The following OSBP2 variants were observed in gnomAD, a reference collection of about 807,000 sequenced individuals.
OSBP2 encodes oxysterol-binding protein 2.
OSBP2 carries 66 observed loss-of-function variants against 96.0 expected under a neutral mutation model. That is an observed-to-expected ratio of 0.69 (90% CI 0.56 to 0.84). OSBP2 has a LOEUF of 0.84. OSBP2 is among the 40% of genes least tolerant of loss of function. OSBP2 has a pLI of 0.00. For missense variants in OSBP2, 1,038 were observed against 1,222.7 expected, an observed-to-expected ratio of 0.85 and a Z score of 2.25; for synonymous variants, 525 against 520.9, an observed-to-expected ratio of 1.01 and a Z score of -0.11.
At chr22:30,804,398 C>T (rs142297507) in intron 2 of OSBP2, among the ~76,000 whole-genome samples, 6 of 152,268 alleles carry the variant, frequency 3.9e-5, no homozygotes, top group South Asian at 4.2e-4. Flanking sequence ...TTAAGCTGTG[C>T]GCATCAGAAA....
chr22:30,800,603 C>T (rs1434656772), intron 2 of OSBP2, among the ~76,000 whole-genome samples: 2 of 152,020 alleles, frequency 1.3e-5, no homozygotes, highest in Admixed American at 1.3e-4. Context: ...AGTCACAGTC[C>T]GCCTGCCAGA....
At chr22:30,760,980 G>A (rs1378284862) in intron 2 of OSBP2, among the ~76,000 whole-genome samples, 2 of 152,136 alleles carry the variant, frequency 1.3e-5, no homozygotes, top group Non-Finnish European at 2.9e-5. Flanking sequence ...TCCTCCACCT[G>A]ATTAAGGGCA....
At chr22:30,818,814 GAAAGTGGTAACCAT>G (rs1350518407) in intron 2 of OSBP2, among the ~76,000 whole-genome samples, 1 of 152,204 alleles carries the variant, frequency 6.6e-6, no homozygotes, top group Non-Finnish European at 1.5e-5. Flanking sequence ...GCGTGACAAG[GAAAGTGGTAACCAT>G]AGACATGGGA....
chr22:30,867,485 C>T (rs1054673549), intron 2 of OSBP2, among the ~76,000 whole-genome samples: 2 of 152,192 alleles, frequency 1.3e-5, no homozygotes, highest in Non-Finnish European at 2.9e-5. Context: ...TTCACTCATT[C>T]CCTCTCTCTC....
At position 30,823,803 on chromosome 22, in the gene OSBP2, G is replaced by A. The variant is rs118168927; in HGVS notation, c.854-46626G>A. 6.8e-3 allele frequency among the ~76,000 whole-genome samples: 1,034 copies of A among 152,284 alleles called. 5 individuals carry two copies. The highest frequency in any genetic ancestry group is 0.012 in the Non-Finnish European group (793 of 68,016). On this transcript the variant is annotated intron_variant, in intron 2 of 13. Transcript: ENST00000332585. The stretch of plus-strand genomic sequence containing the variant: ...TTAAGGAAACTTGCAAGTAAATTTC[G>A]TCCAAAGTGTGTGTTCTGGTTTTAG...
At chr22:30,791,031 T>C (rs1283935871) in intron 2 of OSBP2, among the ~76,000 whole-genome samples, 2 of 152,182 alleles carry the variant, frequency 1.3e-5, no homozygotes, top group African/African-American at 4.8e-5. Flanking sequence ...TCACCCAGGC[T>C]GGAGTGCAGT....
chr22:30,783,065 C>CTTTTTTTT (rs567123014), intron 2 of OSBP2, among the ~76,000 whole-genome samples: 5 of 104,132 alleles, frequency 4.8e-5, no homozygotes, highest in Admixed American at 1.1e-4. Context: ...GAACCTGTGG[C>CTTTTTTTT]TTTTTTTTTT....
intron 4 of OSBP2, 80 bp downstream of exon 4, chr22:30,887,698 T>C: frequency 8.2e-7 from 1 of 1,223,706 alleles, no homozygotes; most frequent in Non-Finnish European, 1.1e-6. Context: ...CGCCCCCACA[T>C]GCACATCCCT....
At chr22:30,729,723 C>G (rs2089714595) in intron 1 of OSBP2, among the ~76,000 whole-genome samples, 1 of 151,802 alleles carries the variant, frequency 6.6e-6, no homozygotes, top group Non-Finnish European at 1.5e-5. Context: ...GGTAGGAAAT[C>G]AGCTGGTCAT....
At chr22:30,735,145 T>C (rs900721845) in intron 1 of OSBP2, among the ~76,000 whole-genome samples, 1 of 152,154 alleles carries the variant, frequency 6.6e-6, no homozygotes, top group Non-Finnish European at 1.5e-5. Flanking sequence ...TGAGCTATGA[T>C]TGCACCATTG....
At chr22:30,832,231 G>T (rs2038536948) in intron 2 of OSBP2, among the ~76,000 whole-genome samples, 1 of 151,812 alleles carries the variant, frequency 6.6e-6, no homozygotes, top group Admixed American at 6.6e-5. Context: ...ATCCAGAATT[G>T]ATTTCTGTAT....
chr22:30,886,855 T>TC (rs1462647009), intron 3 of OSBP2, among the ~76,000 whole-genome samples: 3 of 152,130 alleles, frequency 2.0e-5, no homozygotes, highest in African/African-American at 7.2e-5. Flanking sequence ...GGGGTCCTGA[T>TC]CCAGACCCCA....
intron 2 of OSBP2, among the ~76,000 whole-genome samples, chr22:30,802,599 C>T (rs2145843176): frequency 6.6e-6 from 1 of 152,372 alleles, no homozygotes; most frequent in African/African-American, 2.4e-5. Flanking sequence ...CTGAGGTGCG[C>T]CTTCCGCTGC....
In OSBP2 at chr22:30,704,710, A is replaced by G. The variant is rs560999787; in HGVS notation, c.644+9157A>G. 8.5e-5 allele frequency among the ~76,000 whole-genome samples: 13 copies of G among 152,174 alleles called. No homozygotes were observed. In the East Asian group the frequency reaches 1.9e-3, roughly 23 times the overall value. On this transcript the variant is annotated intron_variant, in intron 1 of 13. Coordinates refer to ENST00000332585, the MANE Select transcript of OSBP2 (RefSeq NM_030758.4). Reference sequence around the variant, plus strand: ...CGAACTCCTGACCTCAGGTGATCTCAGCCTCCCAAAGTGCTGGTATTACAG... The same window carrying G: ...CGAACTCCTGACCTCAGGTGATCTCGGCCTCCCAAAGTGCTGGTATTACAG...
Position 30,743,048 on chromosome 22 carries a change from G to A in OSBP2, c.853+1679G>A, listed in dbSNP as rs527964229. On this transcript the variant is annotated intron_variant, in intron 2 of 13. Transcript: ENST00000332585. The stretch of plus-strand genomic sequence containing the variant: ...GAAAAATGTGTCTACACATGCAACA[G>A]TGATCCTTCTGAAGTCATTAGTGGA... 2.7e-4 allele frequency among the ~76,000 whole-genome samples: 41 copies of A among 152,322 alleles called. 1 individual carries two copies. The South Asian group carries it at 8.3e-3, about 31-fold the overall frequency.
rs140205086 is a variant in OSBP2 at position 30,749,860 on chromosome 22, A to C, written c.853+8491A>C. ...TGGCCTCAAGTGATCTGCCCACCTCAGCCTCCCAAAGTGGGAGGATTACAG... is the reference window on the plus strand; with the variant it reads ...TGGCCTCAAGTGATCTGCCCACCTCCGCCTCCCAAAGTGGGAGGATTACAG... On this transcript the variant is annotated intron_variant, in intron 2 of 13. Transcript: ENST00000332585. Among the ~76,000 whole-genome samples the C allele has an allele frequency of 2.0e-4, 31 of 152,186 alleles. 1 individual carries two copies. The East Asian group carries it at 5.8e-3, about 29-fold the overall frequency.
chr22:30,702,778 G>A (rs2089185080), intron 1 of OSBP2, among the ~76,000 whole-genome samples: 1 of 152,200 alleles, frequency 6.6e-6, no homozygotes, highest in Non-Finnish European at 1.5e-5. Flanking sequence ...GTATGTCTGA[G>A]CTTCTCTGCA....
chr22:30,698,195 C>G lies in OSBP2; in HGVS notation c.644+2642C>G, dbSNP rs113800529. ...TGCATGTGTGTTATCTCCTCCAGCC[C>G]TCTCCAGACACCCAGCTCTCAGCAG... On this transcript the variant is annotated intron_variant, in intron 1 of 13. Transcript: ENST00000332585. 1.3e-3 allele frequency among the ~76,000 whole-genome samples: 204 copies of G among 152,264 alleles called. 1 individual carries two copies. The highest frequency in any genetic ancestry group is 4.4e-3 in the African/African-American group (182 of 41,556).
Position 30,905,132 on chromosome 22 carries a change from GTCTTTTTTT to G in OSBP2, c.2376-703_2376-695del, listed in dbSNP as rs1197373127. On this transcript the variant is annotated intron_variant, in intron 12 of 13. Coordinates refer to ENST00000332585, the MANE Select transcript of OSBP2 (RefSeq NM_030758.4). The stretch of plus-strand genomic sequence containing the variant: ...CAGCCTGGGCCACAGAGCGAGACCC[GTCTTTTTTT>G]TTTTTTTTTTTTTTTTTTTTTTTAG... Among the ~76,000 whole-genome samples, 41 of 107,844 alleles carry G rather than the reference GTCTTTTTTT, an allele frequency of 3.8e-4. No individual in the cohort carries two copies. The East Asian group carries it at 0.012, about 31-fold the overall frequency. 70.7% of individuals were successfully genotyped at this position (107,844 alleles called of 152,430 possible). A position where few individuals can be genotyped will look rare whatever the true frequency, so the allele number is the denominator to read the frequency against.
Sources: allele counts gnomAD v4.1 joint callset (sites outside exome capture counted in the v4.1 genomes callset), GRCh38; gene constraint gnomAD v4.1.1; transcripts MANE v1.5; gene names NCBI Gene and HGNC (gene_info 2026-07-23, HGNC 2026-07-21).